Variants in CTIF observed in about 807,000 individuals in gnomAD.
CTIF encodes the protein CBP80/20-dependent translation initiation factor.
Under a neutral mutation model 66.0 loss-of-function variants are expected in CTIF, and 21 were observed. That is an observed-to-expected ratio of 0.32 (90% CI 0.23 to 0.46). CTIF has a LOEUF of 0.46. Among genes scored for constraint, CTIF ranks in the 20% least tolerant of loss-of-function variants. The pLI is 1.00. For synonymous variants in CTIF, 345 were observed against 326.4 expected, an observed-to-expected ratio of 1.06 and a Z score of -0.62; for missense variants, 739 against 812.7, an observed-to-expected ratio of 0.91 and a Z score of 1.10.
At chr18:48,734,119 TC>T (rs1183230714) in intron 7 of CTIF, among the ~76,000 whole-genome samples, 1 of 152,180 alleles carries the variant, frequency 6.6e-6, no homozygotes, top group Non-Finnish European at 1.5e-5. Flanking sequence ...CATGGGAACT[TC>T]CTGTAGGGGA....
At chr18:48,744,884 G>A (rs1376436889) in intron 7 of CTIF, among the ~76,000 whole-genome samples, 2 of 150,708 alleles carry the variant, frequency 1.3e-5, no homozygotes, top group Admixed American at 6.6e-5. Context: ...GTGCAGTGGC[G>A]CAATCTTGGC....
At chr18:48,817,076 C>A (rs1189768328) in intron 9 of CTIF, 145 bp from the exon 10 acceptor site, 2 of 759,294 alleles carry the variant, frequency 2.6e-6, no homozygotes, top group African/African-American at 3.5e-5. Context: ...AGAGTGCAAT[C>A]ACGCACCCCC....
chr18:48,667,226 C>T (rs185616215), intron 5 of CTIF, among the ~76,000 whole-genome samples: 12 of 152,090 alleles, frequency 7.9e-5, no homozygotes, highest in East Asian at 5.8e-4. Context: ...CTAGACTATG[C>T]GGTGTAGACA....
At chr18:48,626,595 A>G (rs36182125) in intron 2 of CTIF, among the ~76,000 whole-genome samples, 1 of 138,732 alleles carries the variant, frequency 7.2e-6, no homozygotes, top group African/African-American at 2.7e-5. Flanking sequence ...ATCCCCTCCC[A>G]TGGCCTCCCA....
chr18:48,776,890 G>A (rs1456107789), intron 9 of CTIF, among the ~76,000 whole-genome samples: 2 of 152,216 alleles, frequency 1.3e-5, no homozygotes, highest in African/African-American at 2.4e-5. Flanking sequence ...CAGGAGATCC[G>A]GTGGGGAGCC....
At chr18:48,811,736 ATTTC>A (rs2068262317) in intron 9 of CTIF, among the ~76,000 whole-genome samples, 1 of 152,134 alleles carries the variant, frequency 6.6e-6, no homozygotes, top group Non-Finnish European at 1.5e-5. Context: ...ATGTGTCAGA[ATTTC>A]TTTCTGTTTT....
chr18:48,701,384 C>T (rs142499914), intron 6 of CTIF, among the ~76,000 whole-genome samples: 188 of 152,292 alleles, frequency 1.2e-3, no homozygotes, highest in African/African-American at 3.9e-3. Flanking sequence ...GTGCGTGTCC[C>T]GTGTCAATGA....
At chr18:48,590,666 C>T (rs1432180573) in intron 1 of CTIF, among the ~76,000 whole-genome samples, 1 of 152,222 alleles carries the variant, frequency 6.6e-6, no homozygotes, top group East Asian at 1.9e-4. Flanking sequence ...TCCCTCCAGG[C>T]ACCACCTTCG....
intron 1 of CTIF, among the ~76,000 whole-genome samples, chr18:48,557,956 A>T (rs2089061813): frequency 6.6e-6 from 1 of 152,230 alleles, no homozygotes; most frequent in South Asian, 2.1e-4. Context: ...GTTTCCAAAC[A>T]TATTTATGCT....
intron 1 of CTIF, among the ~76,000 whole-genome samples, chr18:48,609,314 G>A (rs1040892542): frequency 2.6e-5 from 4 of 152,194 alleles, no homozygotes; most frequent in Admixed American, 6.5e-5. Context: ...GGGCTTCAGG[G>A]AGGAGGTGTG....
At chr18:48,579,102 A>T (rs1334995888) in intron 1 of CTIF, among the ~76,000 whole-genome samples, 1 of 152,054 alleles carries the variant, frequency 6.6e-6, no homozygotes, top group Non-Finnish European at 1.5e-5. Flanking sequence ...CCCAGGCAGG[A>T]GTGCAGTGGT....
At chr18:48,654,067 C>T (rs139328311) in intron 3 of CTIF, among the ~76,000 whole-genome samples, 1 of 152,250 alleles carries the variant, frequency 6.6e-6, no homozygotes, top group East Asian at 1.9e-4. Context: ...TAGGCATGGG[C>T]AAGGACTTCA....
At position 48,679,079 on chromosome 18, in the gene CTIF, T is replaced by C. The variant is rs142976872; in HGVS notation, c.507+8335T>C. 6.2e-3 allele frequency among the ~76,000 whole-genome samples: 939 copies of C among 152,266 alleles called. 11 individuals carry two copies. Among genetic ancestry groups the C allele is most frequent in the African/African-American group, 0.021 (855 of 41,556 alleles). On this transcript the variant is annotated intron_variant, in intron 6 of 11. Coordinates refer to ENST00000256413, the MANE Select transcript of CTIF (RefSeq NM_014772.3). ...ACAGAAAAAGTTTGCCAAACACTGATCTAGAATATAAACAGAACAAAAAAG... is the reference window on the plus strand; with the variant it reads ...ACAGAAAAAGTTTGCCAAACACTGACCTAGAATATAAACAGAACAAAAAAG...
At chr18:48,664,978 A>G (rs113173104) in intron 5 of CTIF, among the ~76,000 whole-genome samples, 1,835 of 142,534 alleles carry the variant, frequency 0.013, 19 homozygotes, top group South Asian at 0.033. Flanking sequence ...GCAGTGGCGC[A>G]ATCTCGGCTC....
At chr18:48,548,643 T>C (rs891563531) in intron 1 of CTIF, among the ~76,000 whole-genome samples, 17 of 152,252 alleles carry the variant, frequency 1.1e-4, no homozygotes, top group African/African-American at 4.1e-4. Flanking sequence ...AAGGACCCTG[T>C]GCAGACAAGG....
At chr18:48,570,257 G>A (rs552669728) in intron 1 of CTIF, among the ~76,000 whole-genome samples, 4 of 152,302 alleles carry the variant, frequency 2.6e-5, no homozygotes, top group South Asian at 2.1e-4. Flanking sequence ...GATTCTCAGC[G>A]GGTAAAAGCC....
chr18:48,790,513 A>G (rs2067768652), intron 9 of CTIF, among the ~76,000 whole-genome samples: 1 of 152,336 alleles, frequency 6.6e-6, no homozygotes, highest in East Asian at 1.9e-4. Context: ...GCCTGGGCCC[A>G]GCTCAGCAGC....
chr18:48,626,003 T>TC (rs201622065), intron 2 of CTIF, among the ~76,000 whole-genome samples: 2,319 of 142,664 alleles, frequency 0.016, 46 homozygotes, highest in African/African-American at 0.055. Context: ...TTTCTTTCTT[T>TC]TTTTTTTTTT....
chr18:48,635,617 GCCC>G (rs1474529160), intron 2 of CTIF, among the ~76,000 whole-genome samples: 3 of 152,026 alleles, frequency 2.0e-5, no homozygotes, highest in Admixed American at 6.6e-5. Flanking sequence ...GAGCTGCCTG[GCCC>G]TCCTCTGCTC....
Sources: allele counts gnomAD v4.1 joint callset (sites outside exome capture counted in the v4.1 genomes callset), GRCh38; gene constraint gnomAD v4.1.1; transcripts MANE v1.5; gene names NCBI Gene and HGNC (gene_info 2026-07-23, HGNC 2026-07-21).